The following MYLK variants were observed in gnomAD, a reference collection of about 807,000 sequenced individuals.
MYLK encodes the protein myosin light chain kinase, also known as myosin light chain kinase, smooth muscle.
In MYLK, 106 loss-of-function variants were observed where a neutral mutation model predicts 203.4. That is an observed-to-expected ratio of 0.52 (90% CI 0.45 to 0.61). The LOEUF (loss-of-function observed/expected upper bound fraction) is 0.61, where lower values mean the gene tolerates loss of function less well. MYLK is among the 20% of genes least tolerant of loss of function. The pLI is 0.00. For synonymous variants in MYLK, 867 were observed against 959.5 expected (o/e 0.90, Z 1.78); for missense variants, 2,072 against 2,442.3 (o/e 0.85, Z 3.20).
rs2033417423 is a variant in MYLK at position 123,879,885 on chromosome 3, A to G, written c.-185-3268T>C. Among the ~76,000 whole-genome samples, 6 of 152,070 alleles carry G rather than the reference A, an allele frequency of 3.9e-5. No homozygotes were observed. The South Asian group carries it at 1.2e-3, about 32-fold the overall frequency. Reference sequence around the variant, plus strand: ...TAGCCAGGATGGTCTCAATCTCCTCACCTTGTGATCCACCTGCCTTGGCCT... The same window carrying G: ...TAGCCAGGATGGTCTCAATCTCCTCGCCTTGTGATCCACCTGCCTTGGCCT... On this transcript the variant is annotated intron_variant, in intron 1 of 33. Transcript: ENST00000360304.
intron 2 of MYLK, among the ~76,000 whole-genome samples, chr3:123,869,665 C>T (rs1577156176): frequency 6.6e-6 from 1 of 152,204 alleles, no homozygotes; most frequent in East Asian, 1.9e-4. Flanking sequence ...CCACTCTGCT[C>T]ACCTCTGTCA....
rs2060742911 is a variant in MYLK, at chr3:123,692,964, C to G, written c.3449-113G>C. The G allele has an allele frequency of 3.4e-6, 3 of 890,066 alleles. No homozygotes were observed. The South Asian group carries it at 4.0e-5, about 12-fold the overall frequency. 55.1% of individuals were successfully genotyped at this position (890,066 alleles called of 1,614,324 possible). On this transcript the variant is annotated intron_variant, in intron 18 of 33. Transcript: ENST00000360304. ...CGGGCAGCCTCTGGGAGCCCAGAAG[C>G]CAGAGGCCTTGTGGGAACCAATCCC... is the stretch of plus-strand genomic sequence containing the variant.
rs761832468 is a variant in MYLK, at chr3:123,793,630, C to T, written c.165+47G>A. On this transcript the variant is annotated intron_variant, in intron 4 of 33. Transcript: ENST00000360304. Reference sequence around the variant, plus strand: ...AAAGGCTTGACAAGGAGCAGCGGCCCCTGCCCATCCTTCCCCACAGCCTCC... The same window carrying T: ...AAAGGCTTGACAAGGAGCAGCGGCCTCTGCCCATCCTTCCCCACAGCCTCC... The T allele has an allele frequency of 5.6e-6, 9 of 1,607,912 alleles. No homozygotes were observed. In the South Asian group the frequency reaches 7.7e-5, roughly 14 times the overall value.
At chr3:123,665,772 A>G (rs2108335921) in intron 22 of MYLK, among the ~76,000 whole-genome samples, 1 of 152,350 alleles carries the variant, frequency 6.6e-6, no homozygotes, top group East Asian at 1.9e-4. Context: ...TTCTATCCAA[A>G]TACTCACATT....
chr3:123,798,685 C>T (rs569490921), intron 3 of MYLK, among the ~76,000 whole-genome samples: 1 of 152,106 alleles, frequency 6.6e-6, no homozygotes, highest in Non-Finnish European at 1.5e-5. Flanking sequence ...ATCAATACAG[C>T]AAGGGAACAT....
intron 5 of MYLK, among the ~76,000 whole-genome samples, chr3:123,749,208 G>C (rs1006225633): frequency 1.3e-5 from 2 of 151,930 alleles, no homozygotes; most frequent in Non-Finnish European, 2.9e-5. Flanking sequence ...GAGCCCAGGA[G>C]GTCGAGGCTG....
At chr3:123,675,961 C>T (rs1229029913) in intron 20 of MYLK, among the ~76,000 whole-genome samples, 1 of 152,244 alleles carries the variant, frequency 6.6e-6, no homozygotes, top group African/African-American at 2.4e-5. Context: ...TTCTTGCTCA[C>T]CTTCCTCAAA....
intron 2 of MYLK, among the ~76,000 whole-genome samples, chr3:123,874,452 C>G (rs2033020267): frequency 6.6e-6 from 1 of 152,130 alleles, no homozygotes; most frequent in Admixed American, 6.5e-5. Context: ...AACAGAATCT[C>G]TATCTATACC....
intron 23 of MYLK, among the ~76,000 whole-genome samples, chr3:123,661,601 GAAAC>G (rs775942321): frequency 3.3e-5 from 5 of 152,120 alleles, no homozygotes; most frequent in Non-Finnish European, 7.4e-5. Flanking sequence ...CTAACCAAAA[GAAAC>G]AAAAGAACAG....
chr3:123,740,309 G>T (rs947081111), intron 5 of MYLK, among the ~76,000 whole-genome samples: 1 of 152,230 alleles, frequency 6.6e-6, no homozygotes, highest in African/African-American at 2.4e-5. Context: ...AATTCACCCA[G>T]GTCTGCCAGA....
chr3:123,626,993 C>G, intron 30 of MYLK, 52 bp from the exon 31 acceptor site: 1 of 1,611,296 alleles, frequency 6.2e-7, no homozygotes, highest in African/African-American at 1.3e-5. Context: ...ACCTCAGAGA[C>G]CACTGGTTAG....
intron 14 of MYLK, chr3:123,709,162 C>CA: frequency 4.1e-6 from 1 of 246,826 alleles, no homozygotes. Context: ...TTTTTTGAGA[C>CA]AGAGTCTTTG....
chr3:123,726,013 C>T lies in MYLK; in HGVS notation c.1582G>A (p.Gly528Ser), dbSNP rs775412425. The change falls in exon 12 of 34, where the codon GGC becomes AGC. Residue 528 changes from glycine to serine, a missense_variant. Physicochemically the swap from Gly to Ser is moderately conservative, Grantham distance 56. Transcript: ENST00000360304. Reference protein sequence around the residue: ...SVLKDCAVIEGQDFVLQCSVR... With the variant: ...SVLKDCAVIESQDFVLQCSVR... ...GAGCACTGCAGCACAAAATCCTGGCCCTCAATAACAGCGCAGTCCTTCAGG... is the reference window on the plus strand; with the variant it reads ...GAGCACTGCAGCACAAAATCCTGGCTCTCAATAACAGCGCAGTCCTTCAGG... 2 of 1,614,084 alleles carry T rather than the reference C, an allele frequency of 1.2e-6. No homozygotes were observed. The highest frequency in any genetic ancestry group is 2.7e-5 in the African/African-American group (2 of 74,934).
At chr3:123,717,326 C>A (rs1425552426) in intron 13 of MYLK, among the ~76,000 whole-genome samples, 1 of 152,208 alleles carries the variant, frequency 6.6e-6, no homozygotes, top group African/African-American at 2.4e-5. Context: ...ACGCTGACTT[C>A]ACTGATGCCT....
chr3:123,810,558 T>C (rs1577042323), intron 3 of MYLK, among the ~76,000 whole-genome samples: 1 of 152,360 alleles, frequency 6.6e-6, no homozygotes, highest in East Asian at 1.9e-4. Flanking sequence ...GCTCTAAGCC[T>C]GGCCCTGGCT....
intron 4 of MYLK, among the ~76,000 whole-genome samples, chr3:123,752,977 G>C (rs2063248873): frequency 6.6e-6 from 1 of 152,184 alleles, no homozygotes; most frequent in African/African-American, 2.4e-5. Flanking sequence ...TGCTTCTACA[G>C]GTCCGGGCTG....
At chr3:123,813,497 A>G (rs1223066617) in intron 3 of MYLK, among the ~76,000 whole-genome samples, 7 of 148,574 alleles carry the variant, frequency 4.7e-5, no homozygotes, top group Non-Finnish European at 1.1e-4. Flanking sequence ...GGGAATCTTA[A>G]TTCACTGTCT....
intron 4 of MYLK, among the ~76,000 whole-genome samples, chr3:123,784,771 T>C (rs2064444646): frequency 6.6e-6 from 1 of 152,214 alleles, no homozygotes; most frequent in Non-Finnish European, 1.5e-5. Context: ...AGTTTCCAAA[T>C]GCAGGTGGCT....
chr3:123,654,964 C>A (rs150496803), intron 24 of MYLK, among the ~76,000 whole-genome samples: 1 of 152,106 alleles, frequency 6.6e-6, no homozygotes, highest in Non-Finnish European at 1.5e-5. Context: ...GCGATCCACC[C>A]GCTTCAGCCT....
Sources: allele counts gnomAD v4.1 joint callset (sites outside exome capture counted in the v4.1 genomes callset), GRCh38; gene constraint gnomAD v4.1.1; transcripts MANE v1.5; gene names NCBI Gene and HGNC (gene_info 2026-07-23, HGNC 2026-07-21).